The following DYRK4 variants were observed in gnomAD, a reference collection of about 807,000 sequenced individuals.
The protein encoded by DYRK4 is dual specificity tyrosine-phosphorylation-regulated kinase 4.
Under a neutral mutation model 68.3 loss-of-function variants are expected in DYRK4, and 64 were observed. The observed-to-expected ratio is 0.94, with a 90% CI of 0.77 to 1.15. DYRK4 has a LOEUF of 1.15. Among genes scored for constraint, DYRK4 ranks in the 50% most tolerant of loss-of-function variants. The pLI is 0.00. For missense variants in DYRK4, 740 were observed against 764.7 expected (o/e 0.97, Z 0.38); for synonymous variants, 274 against 289.9 (o/e 0.95, Z 0.56).
chr12:4,562,545 G>T (rs1413954281), intron 1 of DYRK4, among the ~76,000 whole-genome samples: 1 of 152,246 alleles, frequency 6.6e-6, no homozygotes, highest in Non-Finnish European at 1.5e-5. Flanking sequence ...GGCGACTCCA[G>T]CTGAGTGCAG....
chr12:4,563,137 T>C (rs1387861980), intron 1 of DYRK4: 1 of 455,980 alleles, frequency 2.2e-6, no homozygotes, highest in African/African-American at 2.0e-5. Flanking sequence ...GAAAATGTCC[T>C]TTGTCTTGCT....
intron 11 of DYRK4, 74 bp from the exon 12 acceptor site, chr12:4,607,253 A>G: frequency 1.3e-6 from 2 of 1,583,006 alleles, no homozygotes; most frequent in Admixed American, 1.7e-5. Context: ...AGCTTGGCCA[A>G]AGTACGCTCC....
At chr12:4,597,498 G>A (rs1328603100) in intron 8 of DYRK4, among the ~76,000 whole-genome samples, 1 of 152,228 alleles carries the variant, frequency 6.6e-6, no homozygotes, top group African/African-American at 2.4e-5. Context: ...ATTACAAAGC[G>A]TGGTCGAGTC....
At chr12:4,590,286 C>G in intron 3 of DYRK4, 44 bp from the exon 4 acceptor site, 6 of 1,505,340 alleles carry the variant, frequency 4.0e-6, no homozygotes, top group South Asian at 3.8e-5. Context: ...GAGACGTTTT[C>G]TTGCCTAAGG....
At chr12:4,586,813 C>A (rs748989909) in intron 2 of DYRK4, among the ~76,000 whole-genome samples, 1 of 152,090 alleles carries the variant, frequency 6.6e-6, no homozygotes, top group South Asian at 2.1e-4. Context: ...GAGCAAAGAT[C>A]GCTCTCTCCA....
chr12:4,574,029 T>TC (rs886579161), intron 2 of DYRK4, among the ~76,000 whole-genome samples: 6 of 151,824 alleles, frequency 4.0e-5, no homozygotes, highest in African/African-American at 1.5e-4. Context: ...ATGGAGACCA[T>TC]CCTGGCTAAC....
rs58963826 is a variant in DYRK4 at position 4,605,729 on chromosome 12, G to GTTTTTTTTTT, written c.1299+660_1299+669dup. Among the ~76,000 whole-genome samples, 33 of 102,116 alleles carry GTTTTTTTTTT rather than the reference G, an allele frequency of 3.2e-4. 4 individuals are homozygous for GTTTTTTTTTT. The highest frequency in any genetic ancestry group is 1.1e-3 in the African/African-American group (29 of 27,326). The allele number at this position is 102,116 out of a possible 152,430, so 67.0% of individuals were successfully genotyped here. A position where few individuals can be genotyped will look rare whatever the true frequency, so the allele number is the denominator to read the frequency against. On this transcript the variant is annotated intron_variant, in intron 11 of 14. Transcript: ENST00000543431. ...CTCTTAGAAAAATGAATAGAGCTGG[G>GTTTTTTTTTT]TTTTTTTTTTTTTTTTTTTTTTTTT... is the stretch of plus-strand genomic sequence containing the variant.
rs997373 is a variant in DYRK4, at chr12:4,607,406, C to A, written c.1360+19C>A. The A allele has an allele frequency of 0.19, 305,143 of 1,612,098 alleles. 35,339 individuals carry two copies. Among genetic ancestry groups the A allele is most frequent in the East Asian group, 0.45 (19,965 of 44,792 alleles). On this transcript the variant is annotated intron_variant, in intron 12 of 14. Transcript: ENST00000543431. ...TTCTTTGGTAAGTCCTAGTGTGTCT[C>A]ATGAGGTGTCACAGGCCTTGAAGAC... is the stretch of plus-strand genomic sequence containing the variant.
intron 2 of DYRK4, among the ~76,000 whole-genome samples, chr12:4,574,166 A>G (rs921889166): frequency 3.3e-5 from 5 of 150,314 alleles, no homozygotes; most frequent in African/African-American, 1.2e-4. Flanking sequence ...CGGAGGTTGC[A>G]GTGCGCCGAG....
intron 10 of DYRK4, among the ~76,000 whole-genome samples, chr12:4,604,664 A>G (rs898790735): frequency 6.6e-6 from 1 of 152,182 alleles, no homozygotes; most frequent in Non-Finnish European, 1.5e-5. Flanking sequence ...ACTTAGATTC[A>G]CTTTCCTACG....
chr12:4,571,958 T>TA, intron 2 of DYRK4, among the ~76,000 whole-genome samples: 1 of 152,370 alleles, frequency 6.6e-6, no homozygotes, highest in Admixed American at 6.5e-5. Context: ...GCTTGTGGAA[T>TA]AAAAACTAGG....
chr12:4,588,631 T>G (rs1248015029), intron 2 of DYRK4, among the ~76,000 whole-genome samples: 5 of 152,200 alleles, frequency 3.3e-5, no homozygotes, highest in Non-Finnish European at 7.4e-5. Flanking sequence ...CTGTTACTCC[T>G]TACCGTAAGC....
intron 5 of DYRK4, chr12:4,592,446 C>T (rs1302499132): frequency 6.6e-6 from 1 of 152,200 alleles, no homozygotes; most frequent in East Asian, 1.9e-4. Flanking sequence ...CCCCTGACCA[C>T]GCACGAGAGC....
At chr12:4,572,651 T>A (rs1944744602) in intron 2 of DYRK4, among the ~76,000 whole-genome samples, 1 of 152,180 alleles carries the variant, frequency 6.6e-6, no homozygotes, top group Admixed American at 6.5e-5. Context: ...GTCCATTTCA[T>A]CACCAGGTGT....
At chr12:4,566,960 A>G (rs1944683374) in intron 1 of DYRK4, among the ~76,000 whole-genome samples, 1 of 152,244 alleles carries the variant, frequency 6.6e-6, no homozygotes, top group African/African-American at 2.4e-5. Flanking sequence ...GAATTATATT[A>G]CACACATGTT....
At chr12:4,602,478 A>T in intron 10 of DYRK4, 1 of 1,297,982 alleles carries the variant, frequency 7.7e-7, no homozygotes, top group Non-Finnish European at 1.1e-6. Flanking sequence ...CTTCGATCTG[A>T]GATGGCAGCA....
rs766865898 is a variant in DYRK4, at chr12:4,593,103, G to A, written c.565G>A (p.Asp189Asn). Residue 189 changes from aspartate (D) to asparagine (N), a missense_variant, in exon 6 of 15, where the codon GAC becomes AAC. Physicochemically the swap from Asp to Asn is conservative, Grantham distance 23. Around this residue, in one of 3 missense-constraint regions of DYRK4, gnomAD observed 614 missense variants for 603.7 expected, o/e 1.02. Transcript: ENST00000543431. ...CCTGGGTCTTGAAGCCAAGAAGCTC[G>A]ACACGGCTCCTGAGAAATTTAGCAA... ...WFLGLEAKKLDTAPEKFSKTS... is the reference protein window; with the variant it reads ...WFLGLEAKKLNTAPEKFSKTS... 7 of 1,614,042 alleles carry A rather than the reference G, an allele frequency of 4.3e-6. No individual in the cohort carries two copies. Among genetic ancestry groups the A allele is most frequent in the South Asian group, 1.1e-5 (1 of 91,084 alleles).
chr12:4,593,298 G>A, intron 6 of DYRK4, 133 bp downstream of exon 6: 1 of 1,028,100 alleles, frequency 9.7e-7, no homozygotes, highest in Admixed American at 3.0e-5. Flanking sequence ...AAGTATTCTG[G>A]TAGTGCCAAA....
intron 2 of DYRK4, among the ~76,000 whole-genome samples, chr12:4,588,122 C>T (rs539349167): frequency 5.6e-4 from 86 of 152,262 alleles, no homozygotes; most frequent in East Asian, 1.2e-3. Flanking sequence ...TGCAGTGGCA[C>T]GATCATAGCT....
Sources: gnomAD v4.1 joint callset for allele counts (sites outside exome capture counted in the v4.1 genomes callset) on GRCh38, gnomAD v4.1.1 for gene constraint, gnomAD v4.1.1 regional missense constraint, MANE v1.5 for transcripts, NCBI Gene and HGNC (gene_info 2026-07-23, HGNC 2026-07-21) for gene names.